DYRK4: variants seen among roughly 807,000 people sequenced by gnomAD.
The protein encoded by DYRK4 is dual specificity tyrosine-phosphorylation-regulated kinase 4.
DYRK4 carries 64 observed loss-of-function variants against 68.3 expected under a neutral mutation model. The observed-to-expected ratio is 0.94, with a 90% CI of 0.77 to 1.15. DYRK4 has a LOEUF of 1.15. Among genes scored for constraint, DYRK4 ranks in the 50% most tolerant of loss-of-function variants. The probability of loss-of-function intolerance (pLI) is 0.00; values close to 1 mark genes in which losing one functional copy is unlikely to be tolerated. For missense variants in DYRK4, 740 were observed against 764.7 expected, an observed-to-expected ratio of 0.97 and a Z score of 0.38; for synonymous variants, 274 against 289.9, an observed-to-expected ratio of 0.95 and a Z score of 0.56.
intron 1 of DYRK4, chr12:4,564,255 A>C (rs932784135): frequency 2.5e-4 from 38 of 152,150 alleles, no homozygotes; most frequent in African/African-American, 8.4e-4. Context: ...CAAAATAGCT[A>C]GTAGAGAATA....
chr12:4,612,870 T>C, intron 14 of DYRK4, 152 bp downstream of exon 14: 1 of 784,524 alleles, frequency 1.3e-6, no homozygotes, highest in Middle Eastern at 3.8e-4. Context: ...ATATGCTGTT[T>C]AAGCATTTCT....
intron 12 of DYRK4, 103 bp from the exon 13 acceptor site, chr12:4,610,052 G>C (rs1192580535): frequency 1.9e-6 from 2 of 1,036,834 alleles, no homozygotes; most frequent in Non-Finnish European, 2.8e-6. Context: ...GAGTGTGTAA[G>C]ACAGAGAGCA....
At position 4,599,144 on chromosome 12, in the gene DYRK4, T is replaced by C; in HGVS notation, c.1022T>C (p.Ile341Thr). 1 of 1,614,040 alleles carries C rather than the reference T, an allele frequency of 6.2e-7. No homozygotes were observed. ...KCLQMLSVEKIIHCDLKPENI... is the reference protein window; with the variant it reads ...KCLQMLSVEKTIHCDLKPENI... Reference sequence around the variant, plus strand: ...TTGCAGATGCTTTCGGTAGAGAAAATCATTCACTGTGATCTCAAGCCCGTG... The same window carrying C: ...TTGCAGATGCTTTCGGTAGAGAAAACCATTCACTGTGATCTCAAGCCCGTG... The change falls in exon 9 of 15, where the codon ATC becomes ACC. Residue 341 changes from isoleucine to threonine, a missense_variant. By Grantham distance (89) the Ile-to-Thr change is moderately conservative. This residue lies in a region of DYRK4 where 614 missense variants were observed against 603.7 expected (regional missense o/e 1.02). Transcript: ENST00000543431.
In DYRK4 at chr12:4,610,183, C is replaced by T. The variant is rs56129397; in HGVS notation, c.1389C>T (p.Thr463=). Residue 463 remains threonine, a synonymous_variant, in exon 13 of 15, where the codon ACC becomes ACT. Coordinates refer to ENST00000543431, the MANE Select transcript of DYRK4 (RefSeq NM_001394779.1). The part of the protein sequence containing the change: ...FDSKGFPKNI[T]NNRGKKRYPD... ...CCAAAGGTTTTCCTAAAAATATAAC[C>T]AACAACAGGGGGAAAAAAAGATACC... 2,562 of 1,600,446 alleles carry T rather than the reference C, an allele frequency of 1.6e-3. 36 individuals carry two copies. In the African/African-American group the frequency reaches 0.026, roughly 16 times the overall value.
chr12:4,612,477 A>T (rs1321534566), intron 13 of DYRK4, 66 bp from the exon 14 acceptor site: 11 of 1,482,470 alleles, frequency 7.4e-6, no homozygotes, highest in Admixed American at 2.2e-5. Context: ...ATTGGGTTTT[A>T]AAAATGTTTT....
At position 4,610,957 on chromosome 12, in the gene DYRK4, T is replaced by TC. The variant is rs1945213936; in HGVS notation, c.1490+675dup. On this transcript the variant is annotated intron_variant, in intron 13 of 14. Coordinates refer to ENST00000543431, the MANE Select transcript of DYRK4 (RefSeq NM_001394779.1). ...CGACTATTAAAGAGGTAAATCTATCTCCACAGAGTGGCAAGTAGATTATCC... is the reference window on the plus strand; with the variant it reads ...CGACTATTAAAGAGGTAAATCTATCTCCCACAGAGTGGCAAGTAGATTATCC... Among the ~76,000 whole-genome samples, 2 of 152,224 alleles carry TC rather than the reference T, an allele frequency of 1.3e-5. 1 individual carries two copies. The highest frequency in any genetic ancestry group is 4.1e-4 in the South Asian group (2 of 4,830).
intron 12 of DYRK4, 37 bp downstream of exon 12, chr12:4,607,424 T>G: frequency 6.2e-7 from 1 of 1,603,910 alleles, no homozygotes; most frequent in Non-Finnish European, 8.5e-7. Context: ...GTCACAGGCC[T>G]TGAAGACACC....
rs376143293 is a variant in DYRK4 at position 4,591,654 on chromosome 12, G to A, written c.463+356G>A. The A allele has an allele frequency of 4.2e-4, 98 of 232,158 alleles. No individual in the cohort carries two copies. Among genetic ancestry groups the A allele is most frequent in the African/African-American group, 1.8e-3 (82 of 44,892 alleles). 14.4% of individuals were successfully genotyped at this position (232,158 alleles called of 1,614,324 possible). A position where few individuals can be genotyped will look rare whatever the true frequency, so the allele number is the denominator to read the frequency against. On this transcript the variant is annotated intron_variant, in intron 5 of 14. Transcript: ENST00000543431. This position sits in a 1 kb window ranked among gnomAD's most constrained non-coding sequence, Gnocchi z 4.1. ...CTGAGAGAGTGGAAGAGCCAGGAGTGGAAAGGTACTGAATACTGAGAGCAG... is the reference window on the plus strand; with the variant it reads ...CTGAGAGAGTGGAAGAGCCAGGAGTAGAAAGGTACTGAATACTGAGAGCAG...
intron 10 of DYRK4, chr12:4,602,539 A>G: frequency 8.5e-7 from 1 of 1,172,910 alleles, no homozygotes; most frequent in East Asian, 2.3e-5. Context: ...CCAACTTATA[A>G]GTGGAGGGAT....
intron 2 of DYRK4, among the ~76,000 whole-genome samples, chr12:4,587,344 C>T (rs1420896582): frequency 1.3e-5 from 2 of 152,204 alleles, no homozygotes; most frequent in East Asian, 3.8e-4. Flanking sequence ...AGAGCGCCCC[C>T]TCTACCACCA....
intron 2 of DYRK4, among the ~76,000 whole-genome samples, chr12:4,572,283 C>CT (rs541896180): frequency 1.3e-5 from 2 of 151,886 alleles, no homozygotes; most frequent in Admixed American, 6.6e-5. Flanking sequence ...GGGTCATGGA[C>CT]TTTTTTTTGT....
intron 2 of DYRK4, among the ~76,000 whole-genome samples, chr12:4,579,875 G>A (rs1277497665): frequency 6.6e-6 from 1 of 151,614 alleles, no homozygotes; most frequent in Admixed American, 6.6e-5. Context: ...CCGGTTTCCT[G>A]GCAGAACACA....
At chr12:4,585,560 CA>C (rs1407321651) in intron 2 of DYRK4, among the ~76,000 whole-genome samples, 3 of 151,774 alleles carry the variant, frequency 2.0e-5, no homozygotes, top group African/African-American at 7.3e-5. Flanking sequence ...TTCTCACTCA[CA>C]GGTGGGAATT....
chr12:4,566,344 G>A (rs1002323332), intron 1 of DYRK4, among the ~76,000 whole-genome samples: 5 of 152,134 alleles, frequency 3.3e-5, no homozygotes, highest in Admixed American at 6.5e-5. Flanking sequence ...GCCCTCCATC[G>A]GCAATGTCCA....
intron 2 of DYRK4, chr12:4,573,400 A>G (rs1445297819): frequency 1.6e-6 from 2 of 1,287,722 alleles, no homozygotes; most frequent in African/African-American, 3.0e-5. Context: ...TGGTGCTTTA[A>G]TTTCCAATCA....
intron 10 of DYRK4, among the ~76,000 whole-genome samples, chr12:4,604,438 G>C (rs143612803): frequency 6.6e-6 from 1 of 152,112 alleles, no homozygotes; most frequent in East Asian, 1.9e-4. Flanking sequence ...ATCCTCACCT[G>C]TTGAGAATTT....
At chr12:4,610,909 C>T (rs900537377) in intron 13 of DYRK4, among the ~76,000 whole-genome samples, 1 of 152,120 alleles carries the variant, frequency 6.6e-6, no homozygotes, top group Non-Finnish European at 1.5e-5. Flanking sequence ...GTTTAGAAAA[C>T]GTTAGCTATT....
chr12:4,586,873 A>G (rs917843715), intron 2 of DYRK4, among the ~76,000 whole-genome samples: 1 of 152,208 alleles, frequency 6.6e-6, no homozygotes, highest in Non-Finnish European at 1.5e-5. Context: ...GGCATGTGCA[A>G]AGCACTTTAC....
chr12:4,603,933 G>T (rs1249344443), intron 10 of DYRK4, among the ~76,000 whole-genome samples: 2 of 152,066 alleles, frequency 1.3e-5, no homozygotes. Flanking sequence ...TATTTTAACT[G>T]TGAGGCAGTA....
Sources: gnomAD v4.1 joint callset for allele counts (sites outside exome capture counted in the v4.1 genomes callset) on GRCh38, gnomAD v4.1.1 for gene constraint, gnomAD v4.1.1 regional missense constraint, Gnocchi (gnomAD v3.1) non-coding constraint, MANE v1.5 for transcripts, NCBI Gene and HGNC (gene_info 2026-07-23, HGNC 2026-07-21) for gene names.